Variants in PRR23D1 observed in about 807,000 individuals in gnomAD.
The protein encoded by PRR23D1 is proline-rich protein 23D1.
At chr8:7,536,699 C>G (rs1412782552), upstream of PRR23D1, among the ~76,000 whole-genome samples, 2 of 139,172 alleles carry the variant, frequency 1.4e-5, no homozygotes, top group African/African-American at 5.6e-5. Context: ...ATTAAAGCAT[C>G]ACACAGAATG....
In PRR23D1 at chr8:7,540,940, GTC is replaced by G. The variant is rs759212632; in HGVS notation, c.140-6_140-5del. On this transcript the variant is annotated splice_polypyrimidine_tract_variant and intron_variant, in intron 2 of 3. Coordinates refer to ENST00000533250, the MANE Select transcript of PRR23D1 (RefSeq NM_001282479.1). ...GAGAGCCTTAACCTCCCTCACTGTG[GTC>G]TCTCTGCAGGTGCAAAAAAACCCTC... The G allele has an allele frequency of 1.1e-5, 13 of 1,226,412 alleles. No homozygotes were observed. The highest frequency in any genetic ancestry group is 7.7e-5 in the South Asian group (6 of 77,784). The allele number at this position is 1,226,412 out of a possible 1,614,324, so 76.0% of individuals were successfully genotyped here.
chr8:7,536,780 C>G (rs1169728628), upstream of PRR23D1, among the ~76,000 whole-genome samples: 1 of 148,060 alleles, frequency 6.8e-6, no homozygotes, highest in Non-Finnish European at 1.5e-5. Flanking sequence ...GGTCTTTGGA[C>G]TTTGCTTCTT....
upstream of PRR23D1, among the ~76,000 whole-genome samples, chr8:7,536,791 T>C (rs555759844): frequency 1.3e-5 from 2 of 148,778 alleles, no homozygotes; most frequent in South Asian, 4.3e-4. Context: ...TTTGCTTCTT[T>C]ATTTCCACCC....
At chr8:7,538,861 A>T (rs1407262485), upstream of PRR23D1, among the ~76,000 whole-genome samples, 1 of 151,770 alleles carries the variant, frequency 6.6e-6, no homozygotes, top group Non-Finnish European at 1.5e-5. Flanking sequence ...AGCTTGTCTT[A>T]TAGTATTCGC....
upstream of PRR23D1, among the ~76,000 whole-genome samples, chr8:7,536,730 C>G (rs1441272137): frequency 1.4e-5 from 2 of 144,654 alleles, no homozygotes; most frequent in Non-Finnish European, 1.5e-5. Flanking sequence ...TCGAGCTCCT[C>G]TTTCCTCCAC....
chr8:7,540,554 TG>T (rs1812727466), intron 1 of PRR23D1, 90 bp from the exon 2 acceptor site: 9 of 251,530 alleles, frequency 3.6e-5, no homozygotes, highest in Non-Finnish European at 5.5e-5. Context: ...AGCAGCAATG[TG>T]TGCCGGATGA....
upstream of PRR23D1, among the ~76,000 whole-genome samples, chr8:7,538,662 CAAG>C (rs1812694660): frequency 1.4e-5 from 2 of 141,468 alleles, no homozygotes; most frequent in Non-Finnish European, 3.1e-5. Context: ...TGGCCACCTG[CAAG>C]AAGTTTAGGT....
chr8:7,541,304 AG>A lies in PRR23D1; in HGVS notation c.265del (p.Val89Ter). On this transcript the variant is annotated frameshift_variant, in exon 4 of 4. Transcript: ENST00000533250. LOFTEE classifies it high-confidence loss of function. ...LMIVLEQGTE[V>X]RLSLEEVILI... Reference sequence around the variant, plus strand: ...TGATAGTCCTGGAACAAGGGACAGAAGTGAGGTTGAGCCTGGAAGAGGTCAT... The same window carrying A: ...TGATAGTCCTGGAACAAGGGACAGAATGAGGTTGAGCCTGGAAGAGGTCAT... 1.8e-6 allele frequency: 1 copy of A among 568,632 alleles called. No homozygotes were observed. Among genetic ancestry groups the A allele is most frequent in the Non-Finnish European group, 3.1e-6 (1 of 324,226 alleles). The allele number at this position is 568,632 out of a possible 1,614,324, so 35.2% of individuals were successfully genotyped here.
chr8:7,538,341 A>AT (rs1212373766), upstream of PRR23D1, among the ~76,000 whole-genome samples: 633 of 1,682 alleles, frequency 0.38, 20 homozygotes, highest in African/African-American at 0.48. Flanking sequence ...ATTAGATTCA[A>AT]TTTTTTTTTA....
upstream of PRR23D1, among the ~76,000 whole-genome samples, chr8:7,539,164 AAATT>A (rs1296201020): frequency 6.9e-6 from 1 of 144,882 alleles, no homozygotes; most frequent in Non-Finnish European, 1.5e-5. Context: ...TAAATTATAT[AAATT>A]AATGTGATTA....
At position 7,540,962 on chromosome 8, in the gene PRR23D1, AC is replaced by A; in HGVS notation, c.153del (p.Ser52GlnfsTer8). 1.4e-6 allele frequency: 2 copies of A among 1,389,170 alleles called. No homozygotes were observed. Among genetic ancestry groups the A allele is most frequent in the Non-Finnish European group, 2.0e-6 (2 of 1,015,458 alleles). 86.1% of individuals were successfully genotyped at this position (1,389,170 alleles called of 1,614,324 possible). On this transcript the variant is annotated frameshift_variant, in exon 3 of 4. Coordinates refer to ENST00000533250, the MANE Select transcript of PRR23D1 (RefSeq NM_001282479.1). LOFTEE classifies it high-confidence loss of function. Reference sequence around the variant, plus strand: ...GTGGTCTCTCTGCAGGTGCAAAAAAACCCTCAATTTCAGGAGCTCCACACCT... The same window carrying A: ...GTGGTCTCTCTGCAGGTGCAAAAAAACCTCAATTTCAGGAGCTCCACACCT... ...EQGPSTGAKKPSISGAPHLNS... is the reference protein window; with the variant it reads ...EQGPSTGAKKXSISGAPHLNS...
At chr8:7,538,780 T>C (rs1812699426), upstream of PRR23D1, among the ~76,000 whole-genome samples, 1 of 151,916 alleles carries the variant, frequency 6.6e-6, no homozygotes, top group Admixed American at 6.6e-5. Context: ...AGGCAAGAAA[T>C]AAATTAACAG....
chr8:7,536,792 A>T (rs1179989283), upstream of PRR23D1, among the ~76,000 whole-genome samples: 3 of 148,266 alleles, frequency 2.0e-5, no homozygotes, highest in African/African-American at 7.7e-5. Flanking sequence ...TTGCTTCTTT[A>T]TTTCCACCCT....
In PRR23D1 at chr8:7,541,470, G is replaced by GAC. The variant is rs1443115086; in HGVS notation, c.431_432dup (p.Phe145ThrfsTer16). 8.0e-5 allele frequency: 33 copies of GAC among 410,906 alleles called. No individual in the cohort carries two copies. The African/African-American group carries it at 1.8e-3, about 22-fold the overall frequency. 25.5% of individuals were successfully genotyped at this position (410,906 alleles called of 1,614,324 possible). On this transcript the variant is annotated frameshift_variant, in exon 4 of 4. Coordinates refer to ENST00000533250, the MANE Select transcript of PRR23D1 (RefSeq NM_001282479.1). LOFTEE classifies it high-confidence loss of function. Reference sequence around the variant, plus strand: ...CCAGTACATCATACCTTCCGTTGATGACTTCAGCTTGGAGTTCCATGCTCA... The same window carrying GAC: ...CCAGTACATCATACCTTCCGTTGATGACACTTCAGCTTGGAGTTCCATGCTCA...
intron 1 of PRR23D1, 36 bp from the exon 2 acceptor site, chr8:7,540,607 CTA>C: frequency 2.8e-6 from 1 of 351,636 alleles, no homozygotes; most frequent in South Asian, 2.3e-5. Flanking sequence ...CTTTGTGTCA[CTA>C]TGTGGAAGAT....
At chr8:7,536,918 G>T (rs1812658886), upstream of PRR23D1, among the ~76,000 whole-genome samples, 1 of 133,114 alleles carries the variant, frequency 7.5e-6, no homozygotes, top group South Asian at 2.4e-4. Flanking sequence ...CAGGTCAACC[G>T]CTAAACAGTG....
At chr8:7,536,760 T>A (rs1445916055), upstream of PRR23D1, among the ~76,000 whole-genome samples, 1 of 147,002 alleles carries the variant, frequency 6.8e-6, no homozygotes, top group Non-Finnish European at 1.5e-5. Flanking sequence ...ATCAACAGAC[T>A]ATTTTATACG....
At chr8:7,536,901 A>G (rs1237188253), upstream of PRR23D1, among the ~76,000 whole-genome samples, 4 of 138,644 alleles carry the variant, frequency 2.9e-5, no homozygotes, top group African/African-American at 1.1e-4. Context: ...TTTCAGCGAT[A>G]CAGACGCAGG....
upstream of PRR23D1, among the ~76,000 whole-genome samples, chr8:7,536,873 G>A (rs557875836): frequency 6.9e-6 from 1 of 144,342 alleles, no homozygotes; most frequent in South Asian, 2.2e-4. Flanking sequence ...CAAAAGGAAG[G>A]TACTGATAAA....
Sources: allele counts gnomAD v4.1 joint callset (sites outside exome capture counted in the v4.1 genomes callset), GRCh38; gene constraint gnomAD v4.1.1; transcripts MANE v1.5; gene names NCBI Gene and HGNC (gene_info 2026-07-23, HGNC 2026-07-21).